Variants in CEP350 observed in about 807,000 individuals in gnomAD.
CEP350 encodes the protein centrosome-associated protein 350.
A neutral mutation model predicts 331.8 loss-of-function variants in CEP350; 126 were observed. The observed-to-expected ratio is 0.38, with a 90% CI of 0.33 to 0.44. CEP350 has a LOEUF of 0.44. Ranked by LOEUF, CEP350 falls within the 20% of genes least tolerant of loss-of-function variation. The pLI, the probability that CEP350 is intolerant of heterozygous loss-of-function variation, is 1.00. For missense variants in CEP350, 3,406 were observed against 3,634.6 expected, an observed-to-expected ratio of 0.94 and a Z score of 1.62; for synonymous variants, 1,200 against 1,259.5, an observed-to-expected ratio of 0.95 and a Z score of 1.00.
Position 180,020,667 on chromosome 1 carries a change from G to C in CEP350, c.2893G>C (p.Ala965Pro). 1 of 1,614,004 alleles carries C rather than the reference G, an allele frequency of 6.2e-7. No homozygotes were observed. The highest frequency in any genetic ancestry group is 8.5e-7 in the Non-Finnish European group (1 of 1,179,890). Residue 965 changes from alanine (A) to proline (P), a missense_variant, in exon 12 of 38, where the codon GCC (alanine) becomes CCC (proline). Around this residue, in one of 5 missense-constraint regions of CEP350, gnomAD observed 1,857 missense variants for 1,909.2 expected, o/e 0.97. Transcript: ENST00000367607. ...TGACTCTTCTAGCTCTGATATGCAA[G>C]CCTGTTCTCAAGACAAAGCCAAAAT... is the stretch of plus-strand genomic sequence containing the variant. ...QTDSSSSDMQ[A>P]CSQDKAKISL...
rs1296487069 is a variant in CEP350 at position 180,020,183 on chromosome 1, A to G, written c.2409A>G (p.Pro803=). 6.2e-7 allele frequency: 1 copy of G among 1,614,042 alleles called. No homozygotes were observed. Among genetic ancestry groups the G allele is most frequent in the Non-Finnish European group, 8.5e-7 (1 of 1,179,890 alleles). ...TFTPQPYVTS[P]AAYTDALLKP... ...CACCTCAACCATATGTGACCTCACCAGCTGCTTATACAGATGCCTTGTTAA... is the reference window on the plus strand; with the variant it reads ...CACCTCAACCATATGTGACCTCACCGGCTGCTTATACAGATGCCTTGTTAA... The change falls in exon 12 of 38, where the codon CCA becomes CCG. Residue 803 remains proline, a synonymous_variant. Coordinates refer to ENST00000367607, the MANE Select transcript of CEP350 (RefSeq NM_014810.5).
At chr1:180,043,585 G>A (rs1273957238) in intron 20 of CEP350, among the ~76,000 whole-genome samples, 4 of 152,154 alleles carry the variant, frequency 2.6e-5, no homozygotes, top group South Asian at 2.1e-4. Context: ...AAGGAACATA[G>A]CATATTTAAG....
Position 179,980,427 on chromosome 1 carries a change from C to T in CEP350, c.-13-5742C>T, listed in dbSNP as rs1293866640. Among the ~76,000 whole-genome samples, 6 of 151,500 alleles carry T rather than the reference C, an allele frequency of 4.0e-5. No homozygotes were observed. The East Asian group carries it at 1.2e-3, about 29-fold the overall frequency. On this transcript the variant is annotated intron_variant, in intron 1 of 37. Coordinates refer to ENST00000367607, the MANE Select transcript of CEP350 (RefSeq NM_014810.5). Reference sequence around the variant, plus strand: ...AATTTACTGAATTCATTTATTAGTTCTAATTTTTTTTTGGTGGAGTCTTTG... The same window carrying T: ...AATTTACTGAATTCATTTATTAGTTTTAATTTTTTTTTGGTGGAGTCTTTG...
In CEP350 at chr1:180,037,010, G is replaced by A. The variant is rs771321776; in HGVS notation, c.4031G>A (p.Arg1344His). 12 of 1,602,404 alleles carry A rather than the reference G, an allele frequency of 7.5e-6. No homozygotes were observed. The highest frequency in any genetic ancestry group is 1.7e-5 in the Admixed American group (1 of 58,252). The part of the protein sequence containing the change: ...SYLNAIEESV[R>H]QLSDVERVRG... The stretch of plus-strand genomic sequence containing the variant: ...CTGAACGCCATTGAGGAGTCGGTGC[G>A]CCAACTGTCAGATGTAGAAAGAGTT... The change falls in exon 17 of 38, where the codon CGC becomes CAC. Residue 1344 changes from arginine (R) to histidine (H), a missense_variant. This residue lies in a region of CEP350 where 1,857 missense variants were observed against 1,909.2 expected (regional missense o/e 0.97). Transcript: ENST00000367607.
chr1:180,044,140 C>T lies in CEP350; in HGVS notation c.4589C>T (p.Ser1530Phe). 6.4e-7 allele frequency: 1 copy of T among 1,568,248 alleles called. No individual in the cohort carries two copies. Residue 1530 changes from serine (S) to phenylalanine (F), a missense_variant, in exon 21 of 38, where the codon TCT (serine) becomes TTT (phenylalanine). This residue lies in a region of CEP350 where 1,857 missense variants were observed against 1,909.2 expected (regional missense o/e 0.97). Transcript: ENST00000367607. ...QKYSASYDSY[S>F]ESSGYKNHDR... is the part of the protein sequence containing the mutation. ...TATTCTGCTTCATATGATAGTTATT[C>T]TGAGTCTTCAGGATACAAGAATCAT... is the stretch of plus-strand genomic sequence containing the variant.
intron 37 of CEP350, among the ~76,000 whole-genome samples, chr1:180,101,215 G>T (rs1185559398): frequency 6.6e-6 from 1 of 152,046 alleles, no homozygotes; most frequent in Non-Finnish European, 1.5e-5. Flanking sequence ...TTTGCTGGTT[G>T]TAAAATATTT....
rs1003782397 is a variant in CEP350 at position 180,098,712 on chromosome 1, T to G, written c.9067-151T>G. On this transcript the variant is annotated intron_variant, in intron 36 of 37. Transcript: ENST00000367607. ...ATTTGGAATGCTTTTCCCTTCAAATTGCTATGTGGAACTGTAAGTGGAAGA... is the reference window on the plus strand; with the variant it reads ...ATTTGGAATGCTTTTCCCTTCAAATGGCTATGTGGAACTGTAAGTGGAAGA... The G allele has an allele frequency of 2.1e-5, 13 of 608,544 alleles. No individual in the cohort carries two copies. The Admixed American group carries it at 3.2e-4, about 15-fold the overall frequency. The allele number at this position is 608,544 out of a possible 1,614,324, so 37.7% of individuals were successfully genotyped here. A position where few individuals can be genotyped will look rare whatever the true frequency, so the allele number is the denominator to read the frequency against.
At chr1:179,968,768 G>T in intron 1 of CEP350, 1 of 645,128 alleles carries the variant, frequency 1.6e-6, no homozygotes, top group Non-Finnish European at 2.9e-6. Flanking sequence ...ATCTATAAAA[G>T]GAAAAGTAAT....
chr1:180,096,253 G>T (rs1431935033), intron 36 of CEP350, 69 bp downstream of exon 36: 2 of 1,463,996 alleles, frequency 1.4e-6, no homozygotes, highest in Admixed American at 2.5e-5. Flanking sequence ...TGTAAATGTT[G>T]TAAAAGCAGG....
rs151273934 is a variant in CEP350 at position 179,968,090 on chromosome 1, G to A, written c.-14+12948G>A. Among the ~76,000 whole-genome samples the A allele has an allele frequency of 8.0e-3, 1,213 of 152,230 alleles. 10 individuals are homozygous for A. Among genetic ancestry groups the A allele is most frequent in the South Asian group, 0.023 (109 of 4,828 alleles). On this transcript the variant is annotated intron_variant, in intron 1 of 37. Coordinates refer to ENST00000367607, the MANE Select transcript of CEP350 (RefSeq NM_014810.5). ...TCAGGCCTATAGTCCCAGCACTCTG[G>A]GAGGCCAAGGCGGGTGCATCACCTG...
chr1:180,021,072 G>A, intron 12 of CEP350, 63 bp downstream of exon 12: 7 of 1,371,214 alleles, frequency 5.1e-6, no homozygotes, highest in Non-Finnish European at 5.8e-6. Context: ...TATAATTTCT[G>A]TATGAGATAT....
chr1:179,959,928 G>C (rs952487813), intron 1 of CEP350, among the ~76,000 whole-genome samples: 8 of 133,102 alleles, frequency 6.0e-5, no homozygotes, highest in African/African-American at 1.9e-4. Flanking sequence ...TTCCTAAACT[G>C]TGCACTGAAG....
chr1:180,024,453 A>C lies in CEP350; in HGVS notation c.3421A>C (p.Arg1141=). Residue 1141 remains arginine, a synonymous_variant, in exon 14 of 38, where the codon AGA becomes CGA. Transcript: ENST00000367607. ...AAGCCCTCAGGAGGACCATTCTAAC[A>C]GAAAGTCTGCCTATGATCCTTCCTC... is the stretch of plus-strand genomic sequence containing the variant. ...TLSPQEDHSN[R]KSAYDPSSVD... The C allele has an allele frequency of 1.2e-5, 19 of 1,612,852 alleles. No individual in the cohort carries two copies. The highest frequency in any genetic ancestry group is 1.5e-5 in the Non-Finnish European group (18 of 1,179,386).
At chr1:180,100,334 A>G (rs1660729334) in intron 37 of CEP350, among the ~76,000 whole-genome samples, 1 of 152,232 alleles carries the variant, frequency 6.6e-6, no homozygotes, top group Non-Finnish European at 1.5e-5. Flanking sequence ...TTCACATCTC[A>G]AGAAAGTGAA....
intron 33 of CEP350, among the ~76,000 whole-genome samples, chr1:180,092,127 C>T (rs796808570): frequency 2.0e-4 from 30 of 152,056 alleles, no homozygotes; most frequent in African/African-American, 6.0e-4. Flanking sequence ...ATATTTTGCA[C>T]GTTTAGCTCT....
chr1:180,075,779 AC>A (rs1249024165), intron 28 of CEP350, among the ~76,000 whole-genome samples: 4 of 151,788 alleles, frequency 2.6e-5, no homozygotes, highest in African/African-American at 7.3e-5. Context: ...ACACAGTGAA[AC>A]CCCGTCTCTA....
At chr1:180,107,106 T>C (rs1332701887) in intron 37 of CEP350, among the ~76,000 whole-genome samples, 1 of 152,208 alleles carries the variant, frequency 6.6e-6, no homozygotes, top group African/African-American at 2.4e-5. Context: ...AAAGACAGCC[T>C]TTCAGCATTC....
In CEP350 at chr1:180,054,395, A is replaced by G. The variant is rs758986295; in HGVS notation, c.5175-20A>G. The stretch of plus-strand genomic sequence containing the variant: ...GAAATTTAATCAAATCTTTGTCTCA[A>G]TGAAAAATATTATTTGCAGACATCT... On this transcript the variant is annotated intron_variant, in intron 24 of 37. Coordinates refer to ENST00000367607, the MANE Select transcript of CEP350 (RefSeq NM_014810.5). 2 of 1,540,532 alleles carry G rather than the reference A, an allele frequency of 1.3e-6. No homozygotes were observed. Among genetic ancestry groups the G allele is most frequent in the Admixed American group, 1.9e-5 (1 of 52,534 alleles).
chr1:179,974,034 T>A (rs1024710670), intron 1 of CEP350, among the ~76,000 whole-genome samples: 3 of 151,684 alleles, frequency 2.0e-5, no homozygotes, highest in Non-Finnish European at 2.9e-5. Context: ...GATTCTCCTT[T>A]ATTTTTTTCT....
Sources: allele counts gnomAD v4.1 joint callset (sites outside exome capture counted in the v4.1 genomes callset), GRCh38; gene constraint gnomAD v4.1.1; regional missense constraint gnomAD v4.1.1; transcripts MANE v1.5; gene names NCBI Gene and HGNC (gene_info 2026-07-23, HGNC 2026-07-21).